Variants in MPP7 observed in about 807,000 individuals in gnomAD.
MPP7 encodes the protein MAGUK p55 scaffold protein 7.
In MPP7, 60 loss-of-function variants were observed where a neutral mutation model predicts 76.5. That is an observed-to-expected ratio of 0.78 (90% CI 0.64 to 0.97). MPP7 has a LOEUF of 0.97. Ranked by LOEUF, MPP7 falls within the 50% of genes least tolerant of loss-of-function variation. The pLI, the probability that MPP7 is intolerant of heterozygous loss-of-function variation, is 0.00. For synonymous variants in MPP7, 237 were observed against 244.5 expected, an observed-to-expected ratio of 0.97 and a Z score of 0.29; for missense variants, 641 against 694.0, an observed-to-expected ratio of 0.92 and a Z score of 0.86.
At chr10:28,254,021 A>G (rs1839707036) in intron 1 of MPP7, among the ~76,000 whole-genome samples, 2 of 150,936 alleles carry the variant, frequency 1.3e-5, no homozygotes, top group African/African-American at 4.9e-5. Context: ...AAAAAAAAAA[A>G]AAAAAAAAAA....
At chr10:28,088,916 C>G (rs1853150665) in intron 12 of MPP7, among the ~76,000 whole-genome samples, 1 of 152,156 alleles carries the variant, frequency 6.6e-6, no homozygotes, top group Non-Finnish European at 1.5e-5. Context: ...CGCTCTGTCA[C>G]CCAGGCTGGA....
At chr10:28,260,464 C>G (rs1266315350) in intron 1 of MPP7, among the ~76,000 whole-genome samples, 1 of 152,084 alleles carries the variant, frequency 6.6e-6, no homozygotes, top group East Asian at 1.9e-4. Context: ...CTATATTTAA[C>G]TATGTTCTAA....
chr10:28,062,738 G>A (rs1404545070), intron 13 of MPP7, among the ~76,000 whole-genome samples: 1 of 152,124 alleles, frequency 6.6e-6, no homozygotes, highest in African/African-American at 2.4e-5. Flanking sequence ...TAACAAGAAT[G>A]TCCTCAAACT....
At chr10:28,186,542 G>T (rs919987344) in intron 3 of MPP7, among the ~76,000 whole-genome samples, 2 of 152,178 alleles carry the variant, frequency 1.3e-5, no homozygotes, top group African/African-American at 4.8e-5. Context: ...AACATTGGAG[G>T]TTTATTTGCT....
At chr10:28,088,630 G>A (rs912530947) in intron 12 of MPP7, among the ~76,000 whole-genome samples, 16 of 152,138 alleles carry the variant, frequency 1.1e-4, no homozygotes, top group Admixed American at 5.2e-4. Context: ...TTATAGCAGT[G>A]TGAGAATGTA....
chr10:28,275,022 A>G (rs1258298790), intron 1 of MPP7, among the ~76,000 whole-genome samples: 3 of 152,218 alleles, frequency 2.0e-5, no homozygotes, highest in Non-Finnish European at 4.4e-5. Flanking sequence ...ATCTTGATGA[A>G]ATCGGCTTAA....
chr10:28,176,442 A>C lies in MPP7; in HGVS notation c.156+25711T>G, dbSNP rs138931079. ...GGTCATTTTAGCATCAAAAAGAATAATAATTGCACTGGCTGGGCATGGTGG... is the reference window on the plus strand; with the variant it reads ...GGTCATTTTAGCATCAAAAAGAATACTAATTGCACTGGCTGGGCATGGTGG... On this transcript the variant is annotated intron_variant, in intron 3 of 16. Transcript: ENST00000683449. Among the ~76,000 whole-genome samples the C allele has an allele frequency of 7.2e-4, 109 of 152,240 alleles. 1 individual carries two copies. The East Asian group carries it at 0.018, about 25-fold the overall frequency.
rs1194790109 is a variant in MPP7 at position 28,119,579 on chromosome 10, T to C, written c.952+72A>G. The stretch of plus-strand genomic sequence containing the variant: ...GGTAATAGGACCCTTTGTTCTGCCA[T>C]GAGCACCTGCTTTAATAGTCAAAAA... On this transcript the variant is annotated intron_variant, in intron 11 of 16. Coordinates refer to ENST00000683449, the MANE Select transcript of MPP7 (RefSeq NM_001318170.2). The C allele has an allele frequency of 4.0e-5, 51 of 1,275,750 alleles. No individual in the cohort carries two copies. In the East Asian group the frequency reaches 1.1e-3, roughly 28 times the overall value. The allele number at this position is 1,275,750 out of a possible 1,614,324, so 79.0% of individuals were successfully genotyped here. A position where few individuals can be genotyped will look rare whatever the true frequency, so the allele number is the denominator to read the frequency against.
At chr10:28,266,160 A>G (rs1212898517) in intron 1 of MPP7, among the ~76,000 whole-genome samples, 1 of 152,072 alleles carries the variant, frequency 6.6e-6, no homozygotes, top group Non-Finnish European at 1.5e-5. Context: ...GGTTTTCACC[A>G]TGTTGGTCAG....
intron 11 of MPP7, among the ~76,000 whole-genome samples, chr10:28,103,839 G>A (rs1025740862): frequency 7.2e-5 from 11 of 152,134 alleles, no homozygotes; most frequent in South Asian, 2.1e-4. Flanking sequence ...GTTCTCTCTC[G>A]AGAGAAGCCA....
intron 1 of MPP7, among the ~76,000 whole-genome samples, chr10:28,332,628 T>G (rs1413364621): frequency 6.6e-6 from 1 of 152,168 alleles, no homozygotes; most frequent in African/African-American, 2.4e-5. Flanking sequence ...GTTACTACAT[T>G]TAACTCTGAA....
At position 28,057,700 on chromosome 10, in the gene MPP7, A is replaced by G. The variant is rs1009120763; in HGVS notation, c.1407+795T>C. 4.7e-6 allele frequency: 6 copies of G among 1,279,582 alleles called. No individual in the cohort carries two copies. In the South Asian group the frequency reaches 7.4e-5, roughly 16 times the overall value. The allele number at this position is 1,279,582 out of a possible 1,614,324, so 79.3% of individuals were successfully genotyped here. ...CAACAAGGGACTAACACAGTGCCCA[A>G]GTCAGGAGGCAGCCTTCCTGATTCT... On this transcript the variant is annotated intron_variant, in intron 15 of 16. Coordinates refer to ENST00000683449, the MANE Select transcript of MPP7 (RefSeq NM_001318170.2).
chr10:28,200,802 G>A (rs551871652), intron 3 of MPP7, among the ~76,000 whole-genome samples: 2 of 152,246 alleles, frequency 1.3e-5, no homozygotes, highest in East Asian at 3.9e-4. Flanking sequence ...AGGAAACTGA[G>A]ATAGTAGCTA....
intron 2 of MPP7, among the ~76,000 whole-genome samples, chr10:28,328,525 A>G (rs1236242229): frequency 6.6e-6 from 1 of 151,596 alleles, no homozygotes; most frequent in East Asian, 1.9e-4. Flanking sequence ...AAGAGGGAGG[A>G]AAAAAGTGCT....
chr10:28,172,121 C>T (rs1260843954), intron 3 of MPP7, among the ~76,000 whole-genome samples: 1 of 152,154 alleles, frequency 6.6e-6, no homozygotes, highest in African/African-American at 2.4e-5. Flanking sequence ...CGGAGAAGGA[C>T]GATGTCATGA....
intron 11 of MPP7, among the ~76,000 whole-genome samples, chr10:28,116,355 T>C (rs1361528014): frequency 6.6e-6 from 1 of 152,176 alleles, no homozygotes; most frequent in East Asian, 1.9e-4. Context: ...AAAATTAGAA[T>C]ACTTTAAATT....
At chr10:28,113,400 C>T (rs7895285) in intron 11 of MPP7, among the ~76,000 whole-genome samples, 17,358 of 152,134 alleles carry the variant, frequency 0.11, 1,656 homozygotes, top group East Asian at 0.51. Flanking sequence ...TGCTATTTCA[C>T]GTTGCCTCCT....
intron 1 of MPP7, among the ~76,000 whole-genome samples, chr10:28,292,870 G>A (rs1304039050): frequency 6.6e-6 from 1 of 152,134 alleles, no homozygotes; most frequent in African/African-American, 2.4e-5. Context: ...GTGTCTCTGT[G>A]TGCATATATA....
intron 1 of MPP7, among the ~76,000 whole-genome samples, chr10:28,295,800 C>G (rs1043551133): frequency 6.6e-6 from 1 of 152,234 alleles, no homozygotes; most frequent in Admixed American, 6.5e-5. Flanking sequence ...ATATCTAGAC[C>G]GGGAGACTTT....
Sources: allele counts gnomAD v4.1 joint callset (sites outside exome capture counted in the v4.1 genomes callset), GRCh38; gene constraint gnomAD v4.1.1; transcripts MANE v1.5; gene names NCBI Gene and HGNC (gene_info 2026-07-23, HGNC 2026-07-21).